TRIM67: variants seen among roughly 807,000 people sequenced by gnomAD.
TRIM67 encodes tripartite motif-containing protein 67.
In TRIM67, 39 loss-of-function variants were observed where a neutral mutation model predicts 71.0. The ratio of observed to expected loss-of-function variants is 0.55; its 90% confidence interval spans 0.43 to 0.72. The LOEUF (loss-of-function observed/expected upper bound fraction) is 0.72. TRIM67 is among the 30% of genes least tolerant of loss of function. TRIM67 has a pLI of 0.00. For missense variants in TRIM67, 973 were observed against 1,079.2 expected, an observed-to-expected ratio of 0.90 and a Z score of 1.38; for synonymous variants, 481 against 473.9, an observed-to-expected ratio of 1.01 and a Z score of -0.19.
Position 231,203,955 on chromosome 1 carries a change from C to T in TRIM67, c.1623C>T (p.His541=), listed in dbSNP as rs199853758. The stretch of plus-strand genomic sequence containing the variant: ...CCTGGAGGATGCCACCCTTCACCCA[C>T]AGCCCCGTGGACGGCTACATCCTGG... ...TLAWRMPPFT[H]SPVDGYILEL... Residue 541 remains histidine, a synonymous_variant, in exon 6 of 10, where the codon CAC becomes CAT. Coordinates refer to ENST00000366653, the MANE Select transcript of TRIM67 (RefSeq NM_001004342.5). 1.1e-4 allele frequency: 173 copies of T among 1,613,906 alleles called. No individual in the cohort carries two copies. The highest frequency in any genetic ancestry group is 1.3e-4 in the Non-Finnish European group (153 of 1,179,888).
intron 1 of TRIM67, among the ~76,000 whole-genome samples, chr1:231,192,403 C>T (rs1237559396): frequency 6.6e-6 from 1 of 152,162 alleles, no homozygotes; most frequent in Non-Finnish European, 1.5e-5. Context: ...TGGTCTCAAA[C>T]TCCTGGGTTC....
chr1:231,199,938 C>T (rs534163069), intron 3 of TRIM67, among the ~76,000 whole-genome samples: 9 of 152,262 alleles, frequency 5.9e-5, no homozygotes, highest in African/African-American at 1.9e-4. Flanking sequence ...GGTGTTGTAG[C>T]CCTGCTTGTT....
In TRIM67 at chr1:231,214,838, G is replaced by A. The variant is rs995774325; in HGVS notation, c.2287-537G>A. Among the ~76,000 whole-genome samples the A allele has an allele frequency of 2.7e-5, 4 of 150,204 alleles. No homozygotes were observed. The East Asian group carries it at 5.9e-4, about 22-fold the overall frequency. ...GGCTTGGCCTGACATGGTGGCTCAC[G>A]CCTGTAACTCCAGTACTTTGGGAGG... is the stretch of plus-strand genomic sequence containing the variant. On this transcript the variant is annotated intron_variant, in intron 9 of 9. Coordinates refer to ENST00000366653, the MANE Select transcript of TRIM67 (RefSeq NM_001004342.5).
intron 1 of TRIM67, 68 bp downstream of exon 1, chr1:231,164,081 C>G: frequency 7.2e-7 from 1 of 1,385,448 alleles, no homozygotes; most frequent in Non-Finnish European, 9.4e-7. Context: ...CTTTTGGCCT[C>G]TCCCTTGGAG....
intron 7 of TRIM67, among the ~76,000 whole-genome samples, chr1:231,207,117 G>T (rs1683724927): frequency 1.3e-5 from 2 of 152,184 alleles, no homozygotes. Context: ...GCTCTTTGCT[G>T]CACCCACATG....
intron 8 of TRIM67, among the ~76,000 whole-genome samples, chr1:231,210,788 C>T (rs1020135093): frequency 1.3e-5 from 2 of 151,692 alleles, no homozygotes; most frequent in Admixed American, 6.6e-5. Context: ...ACCTGCAATC[C>T]CAGCACTTAA....
intron 1 of TRIM67, among the ~76,000 whole-genome samples, chr1:231,195,020 C>T (rs923033802): frequency 1.3e-5 from 2 of 152,148 alleles, no homozygotes; most frequent in African/African-American, 4.8e-5. Flanking sequence ...TGAGCTACCC[C>T]ACCTGGCTTC....
chr1:231,186,061 G>A lies in TRIM67; in HGVS notation c.1045-11310G>A, dbSNP rs1215675390. The A allele has an allele frequency of 1.3e-5, 20 of 1,529,904 alleles. No individual in the cohort carries two copies. In the East Asian group the frequency reaches 1.7e-4, roughly 13 times the overall value. 94.8% of individuals were successfully genotyped at this position (1,529,904 alleles called of 1,614,324 possible). ...AGGGAAAAAGAAGGGGATGTTCCCC[G>A]TGAGCAGAACTCACCTCTCTCCTGA... On this transcript the variant is annotated intron_variant, in intron 1 of 9. Transcript: ENST00000366653.
chr1:231,180,123 G>A (rs1682858583), intron 1 of TRIM67, among the ~76,000 whole-genome samples: 1 of 152,196 alleles, frequency 6.6e-6, no homozygotes, highest in South Asian at 2.1e-4. Context: ...GAGGGAAAGA[G>A]CTTTGCTTTC....
At chr1:231,206,141 T>A (rs1009298619) in intron 6 of TRIM67, among the ~76,000 whole-genome samples, 24 of 152,008 alleles carry the variant, frequency 1.6e-4, no homozygotes, top group African/African-American at 5.6e-4. Flanking sequence ...TTTTTTTAAT[T>A]TTTTGGCTGG....
rs1018393726 is a variant in TRIM67 at position 231,184,925 on chromosome 1, C to T, written c.1045-12446C>T. Reference sequence around the variant, plus strand: ...GTCACGTAAAATTAGGGTTTGAATTCAGGGCCCAACCCTGAAGCCCAGCTC... The same window carrying T: ...GTCACGTAAAATTAGGGTTTGAATTTAGGGCCCAACCCTGAAGCCCAGCTC... On this transcript the variant is annotated intron_variant, in intron 1 of 9. Coordinates refer to ENST00000366653, the MANE Select transcript of TRIM67 (RefSeq NM_001004342.5). The T allele has an allele frequency of 5.8e-6, 7 of 1,206,178 alleles. 1 individual carries two copies. The African/African-American group carries it at 7.8e-5, about 13-fold the overall frequency. The allele number at this position is 1,206,178 out of a possible 1,614,324, so 74.7% of individuals were successfully genotyped here. A position where few individuals can be genotyped will look rare whatever the true frequency, so the allele number is the denominator to read the frequency against.
In TRIM67 at chr1:231,209,465, G is replaced by A. The variant is rs948528633; in HGVS notation, c.2123+215G>A. ...AGGGTATGTTATGGTGACTCTCACA[G>A]CACCCGCACAGATGGGTCTCCCAAG... On this transcript the variant is annotated intron_variant, in intron 8 of 9. Coordinates refer to ENST00000366653, the MANE Select transcript of TRIM67 (RefSeq NM_001004342.5). This position sits in a 1 kb window ranked among gnomAD's most constrained non-coding sequence, Gnocchi z 4.1. Among the ~76,000 whole-genome samples, 8 of 152,248 alleles carry A rather than the reference G, an allele frequency of 5.3e-5. No individual in the cohort carries two copies. Among genetic ancestry groups the A allele is most frequent in the Non-Finnish European group, 8.8e-5 (6 of 68,046 alleles).
rs918664956 is a variant in TRIM67 at position 231,162,760 on chromosome 1, C to G, written c.-210C>G. ...GGACCCTCGGGCAGGAGGTGAGGAC[C>G]CCCTCCCTTCTCTCGCCCCTCAATC... On this transcript the variant is annotated 5_prime_UTR_variant, in exon 1 of 10. Coordinates refer to ENST00000366653, the MANE Select transcript of TRIM67 (RefSeq NM_001004342.5). The G allele has an allele frequency of 1.6e-6, 1 of 614,946 alleles. No individual in the cohort carries two copies. The highest frequency in any genetic ancestry group is 2.7e-6 in the Non-Finnish European group (1 of 371,358). The allele number at this position is 614,946 out of a possible 1,614,324, so 38.1% of individuals were successfully genotyped here. A position where few individuals can be genotyped will look rare whatever the true frequency, so the allele number is the denominator to read the frequency against.
In TRIM67 at chr1:231,218,517, C is replaced by T. The variant is rs1038952270; in HGVS notation, c.*3077C>T. ...AATCTCTTCCGAAAATATCCACTAG[C>T]ACCTCACTGCATACATAGCATCCCA... is the stretch of plus-strand genomic sequence containing the variant. On this transcript the variant is annotated 3_prime_UTR_variant, in exon 10 of 10. Transcript: ENST00000366653. 5.1e-6 allele frequency: 5 copies of T among 985,432 alleles called. No homozygotes were observed. Among genetic ancestry groups the T allele is most frequent in the Middle Eastern group, 5.2e-4 (1 of 1,914 alleles). The allele number at this position is 985,432 out of a possible 1,614,324, so 61.0% of individuals were successfully genotyped here.
At position 231,216,104 on chromosome 1, in the gene TRIM67, TTCTC is replaced by T. The variant is rs1026807719; in HGVS notation, c.*674_*677del. The T allele has an allele frequency of 1.4e-5, 14 of 984,436 alleles. No homozygotes were observed. The highest frequency in any genetic ancestry group is 5.2e-4 in the Middle Eastern group (1 of 1,940). The allele number at this position is 984,436 out of a possible 1,614,324, so 61.0% of individuals were successfully genotyped here. A position where few individuals can be genotyped will look rare whatever the true frequency, so the allele number is the denominator to read the frequency against. On this transcript the variant is annotated 3_prime_UTR_variant, in exon 10 of 10. Coordinates refer to ENST00000366653, the MANE Select transcript of TRIM67 (RefSeq NM_001004342.5). ...TTCCTTTATTAATCAGCCAATTGTG[TTCTC>T]TCTCTCTCTTCCTCCATCCTTCATT...
chr1:231,163,295 A>G lies in TRIM67; in HGVS notation c.326A>G (p.Asp109Gly). The G allele has an allele frequency of 6.6e-7, 1 of 1,518,402 alleles. No individual in the cohort carries two copies. The highest frequency in any genetic ancestry group is 8.8e-7 in the Non-Finnish European group (1 of 1,132,418). The allele number at this position is 1,518,402 out of a possible 1,614,324, so 94.1% of individuals were successfully genotyped here. A position where few individuals can be genotyped will look rare whatever the true frequency, so the allele number is the denominator to read the frequency against. Reference protein sequence around the residue: ...ADKLSLYSETDSGYGSYTPSL... With the variant: ...ADKLSLYSETGSGYGSYTPSL... The stretch of plus-strand genomic sequence containing the variant: ...AAGCTCAGCTTGTACAGCGAGACAG[A>G]CAGCGGCTACGGGTCCTACACCCCG... The change falls in exon 1 of 10, where the codon GAC becomes GGC. Residue 109 changes from aspartate to glycine, a missense_variant. Physicochemically the swap from Asp to Gly is moderately conservative, Grantham distance 94. This residue lies in a region of TRIM67 where 795 missense variants were observed against 831.3 expected (regional missense o/e 0.96). Transcript: ENST00000366653.
chr1:231,172,288 C>G (rs919277248), intron 1 of TRIM67, among the ~76,000 whole-genome samples: 2 of 151,992 alleles, frequency 1.3e-5, no homozygotes, highest in African/African-American at 4.8e-5. Flanking sequence ...GTGGGGGGAA[C>G]AGAGATGGAG....
At chr1:231,197,580 C>CT (rs578013540) in intron 2 of TRIM67, 114 bp downstream of exon 2, 86 of 894,256 alleles carry the variant, frequency 9.6e-5, no homozygotes, top group Admixed American at 9.3e-4. Flanking sequence ...AATCCCAACA[C>CT]TTTGGGAGGC....
chr1:231,186,513 C>T (rs1383924779), intron 1 of TRIM67, among the ~76,000 whole-genome samples: 1 of 152,174 alleles, frequency 6.6e-6, no homozygotes, highest in Non-Finnish European at 1.5e-5. Context: ...GAAGGACCTG[C>T]TCCGGCCTCT....
Sources: allele counts gnomAD v4.1 joint callset (sites outside exome capture counted in the v4.1 genomes callset), GRCh38; gene constraint gnomAD v4.1.1; regional missense constraint gnomAD v4.1.1; non-coding constraint Gnocchi (gnomAD v3.1); transcripts MANE v1.5; gene names NCBI Gene and HGNC (gene_info 2026-07-23, HGNC 2026-07-21).